SLX4IP: variants seen among roughly 807,000 people sequenced by gnomAD.
SLX4IP encodes the protein protein SLX4IP.
SLX4IP carries 34 observed loss-of-function variants against 32.9 expected under a neutral mutation model. That is an observed-to-expected ratio of 1.03 (90% CI 0.79 to 1.38). The LOEUF is 1.38. Among genes scored for constraint, SLX4IP ranks in the 40% most tolerant of loss-of-function variants. The probability of loss-of-function intolerance (pLI) is 0.00; values close to 1 mark genes in which losing one functional copy is unlikely to be tolerated. For synonymous variants in SLX4IP, 172 were observed against 171.7 expected (o/e 1.00, Z -0.01); for missense variants, 444 against 479.0 (o/e 0.93, Z 0.68).
chr20:10,559,432 AGAGATCAACCT>A (rs1422650999), intron 3 of SLX4IP, among the ~76,000 whole-genome samples: 3 of 152,210 alleles, frequency 2.0e-5, no homozygotes, highest in African/African-American at 7.2e-5. Flanking sequence ...GAAGATTCTA[AGAGATCAACCT>A]GAGATGACAT....
chr20:10,606,969 T>C (rs1265999714), intron 6 of SLX4IP, among the ~76,000 whole-genome samples: 1 of 152,228 alleles, frequency 6.6e-6, no homozygotes, highest in Non-Finnish European at 1.5e-5. Flanking sequence ...TAGGATGCAT[T>C]GTTTTTCCTC....
In SLX4IP at chr20:10,614,133, C is replaced by T. The variant is rs1211023592; in HGVS notation, c.406-7181C>T. ...CTTGTGGTAGCCTCGTCGGACCTCG[C>T]CATCGGAGGCCTCGCGTTGCACGCC... is the stretch of plus-strand genomic sequence containing the variant. On this transcript the variant is annotated intron_variant, in intron 6 of 7. Coordinates refer to ENST00000334534, the MANE Select transcript of SLX4IP (RefSeq NM_001009608.3). 6.1e-6 allele frequency: 8 copies of T among 1,319,972 alleles called. No homozygotes were observed. In the African/African-American group the frequency reaches 1.2e-4, roughly 19 times the overall value. 81.8% of individuals were successfully genotyped at this position (1,319,972 alleles called of 1,614,324 possible). A position where few individuals can be genotyped will look rare whatever the true frequency, so the allele number is the denominator to read the frequency against.
intron 2 of SLX4IP, among the ~76,000 whole-genome samples, chr20:10,534,687 G>A (rs994390526): frequency 2.0e-5 from 3 of 152,246 alleles, no homozygotes; most frequent in East Asian, 3.9e-4. Context: ...AATTAAAAAC[G>A]AGTGCATGAA....
intron 6 of SLX4IP, among the ~76,000 whole-genome samples, chr20:10,608,873 TTAA>T (rs1319953125): frequency 2.6e-5 from 4 of 152,120 alleles, no homozygotes; most frequent in African/African-American, 9.7e-5. Flanking sequence ...GCTTATATTA[TTAA>T]TATTTTCCCA....
chr20:10,448,249 C>T (rs1321322468), intron 1 of SLX4IP, among the ~76,000 whole-genome samples: 1 of 152,216 alleles, frequency 6.6e-6, no homozygotes, highest in Middle Eastern at 3.4e-3. Context: ...CCTTCTTACT[C>T]TTTTCTCTGG....
intron 2 of SLX4IP, among the ~76,000 whole-genome samples, chr20:10,490,825 G>A (rs1265086796): frequency 6.6e-6 from 1 of 152,086 alleles, no homozygotes; most frequent in Non-Finnish European, 1.5e-5. Context: ...ATGGCTTCTG[G>A]TGGTGAGAGC....
chr20:10,586,845 G>A lies in SLX4IP; in HGVS notation c.239-11830G>A, dbSNP rs552596274. 3.9e-5 allele frequency among the ~76,000 whole-genome samples: 6 copies of A among 152,172 alleles called. No homozygotes were observed. The South Asian group carries it at 1.0e-3, about 26-fold the overall frequency. ...TCATAGAAAAATATAAATTGTTAAT[G>A]TGAGCTAAGAATAAATATAAACCCT... is the stretch of plus-strand genomic sequence containing the variant. On this transcript the variant is annotated intron_variant, in intron 4 of 7. Transcript: ENST00000334534.
chr20:10,548,393 C>T (rs370797732), intron 2 of SLX4IP, among the ~76,000 whole-genome samples: 153 of 152,324 alleles, frequency 1.0e-3, no homozygotes, highest in African/African-American at 3.5e-3. Flanking sequence ...CGCCCGCCAC[C>T]ACGCCCGGCT....
At chr20:10,461,853 C>T (rs1430098160) in intron 2 of SLX4IP, among the ~76,000 whole-genome samples, 1 of 152,194 alleles carries the variant, frequency 6.6e-6, no homozygotes, top group Non-Finnish European at 1.5e-5. Flanking sequence ...ATATGGCTCA[C>T]TTCAGCCTTG....
At chr20:10,596,931 T>C (rs757860809) in intron 4 of SLX4IP, among the ~76,000 whole-genome samples, 1 of 152,246 alleles carries the variant, frequency 6.6e-6, no homozygotes, top group Non-Finnish European at 1.5e-5. Flanking sequence ...AAATGCAATC[T>C]ATTTTCAAGT....
At chr20:10,485,717 C>A (rs571592282) in intron 2 of SLX4IP, among the ~76,000 whole-genome samples, 2 of 151,952 alleles carry the variant, frequency 1.3e-5, no homozygotes, top group Non-Finnish European at 2.9e-5. Context: ...CATAAATAGT[C>A]CATTAACACA....
intron 7 of SLX4IP, among the ~76,000 whole-genome samples, chr20:10,621,991 G>A (rs192602055): frequency 1.6e-4 from 25 of 152,240 alleles, no homozygotes; most frequent in African/African-American, 6.0e-4. Flanking sequence ...TCAGAGTGAA[G>A]TTACATTGTC....
At chr20:10,454,743 TA>T (rs1013660982) in intron 1 of SLX4IP, among the ~76,000 whole-genome samples, 119 of 152,316 alleles carry the variant, frequency 7.8e-4, no homozygotes, top group African/African-American at 2.6e-3. Context: ...ATGGAGTTAT[TA>T]TTTTTTTTCT....
chr20:10,600,129 T>C (rs1161312122), intron 5 of SLX4IP, among the ~76,000 whole-genome samples: 1 of 152,142 alleles, frequency 6.6e-6, no homozygotes, highest in Non-Finnish European at 1.5e-5. Flanking sequence ...CTATATACCA[T>C]TTATCGCAAT....
chr20:10,618,940 T>TGGGGGGTGGGGGGGG (rs2067071989), intron 6 of SLX4IP, among the ~76,000 whole-genome samples: 14 of 41,760 alleles, frequency 3.4e-4, no homozygotes, highest in South Asian at 9.7e-4. Flanking sequence ...GCTTGGGGGT[T>TGGGGGGTGGGGGGGG]GGGGGGGCGG....
At chr20:10,600,780 C>G (rs752962888) in intron 5 of SLX4IP, among the ~76,000 whole-genome samples, 2 of 152,166 alleles carry the variant, frequency 1.3e-5, no homozygotes, top group Non-Finnish European at 2.9e-5. Flanking sequence ...GAAGCTTTCT[C>G]TGTTAGAAAA....
intron 2 of SLX4IP, among the ~76,000 whole-genome samples, chr20:10,469,119 G>A (rs892477334): frequency 7.2e-5 from 11 of 152,182 alleles, no homozygotes; most frequent in African/African-American, 2.2e-4. Context: ...CCTGGGCAGC[G>A]AGTTGGACAA....
At chr20:10,479,570 TTGAACTCC>T (rs1228322450) in intron 2 of SLX4IP, among the ~76,000 whole-genome samples, 6 of 149,466 alleles carry the variant, frequency 4.0e-5, no homozygotes, top group South Asian at 2.1e-4. Flanking sequence ...CAGGCTGGTC[TTGAACTCC>T]TGACCTTGTG....
chr20:10,490,912 C>T (rs1407740116), intron 2 of SLX4IP, among the ~76,000 whole-genome samples: 1 of 152,152 alleles, frequency 6.6e-6, no homozygotes, highest in Admixed American at 6.5e-5. Context: ...ACACAGATGG[C>T]TTTCACATGC....
Sources: gnomAD v4.1 joint callset for allele counts (sites outside exome capture counted in the v4.1 genomes callset) on GRCh38, gnomAD v4.1.1 for gene constraint, MANE v1.5 for transcripts, NCBI Gene and HGNC (gene_info 2026-07-23, HGNC 2026-07-21) for gene names.